The following ZNF423 variants were observed in gnomAD, a reference collection of about 807,000 sequenced individuals.
The protein encoded by ZNF423 is zinc finger protein 423.
In ZNF423, 12 loss-of-function variants were observed where a neutral mutation model predicts 95.8. That is an observed-to-expected ratio of 0.13 (90% CI 0.08 to 0.20). The LOEUF is 0.20. Among genes scored for constraint, ZNF423 ranks in the 10% least tolerant of loss-of-function variants. The pLI, the probability that ZNF423 is intolerant of heterozygous loss-of-function variation, is 1.00. For missense variants in ZNF423, 1,316 were observed against 1,737.1 expected (o/e 0.76, Z 4.31); for synonymous variants, 749 against 711.9 (o/e 1.05, Z -0.83).
chr16:49,704,155 A>T (rs1171892213), intron 3 of ZNF423, among the ~76,000 whole-genome samples: 1 of 152,000 alleles, frequency 6.6e-6, no homozygotes. Flanking sequence ...CCTCTGGAAC[A>T]CCCTGGCTGT....
At chr16:49,836,411 C>T (rs1043982222) in intron 1 of ZNF423, among the ~76,000 whole-genome samples, 3 of 151,978 alleles carry the variant, frequency 2.0e-5, no homozygotes, top group Admixed American at 6.5e-5. Flanking sequence ...AGCTGGGTCT[C>T]GGGGGATCAA....
chr16:49,856,901 G>T (rs2035377042), upstream of ZNF423, among the ~76,000 whole-genome samples: 1 of 129,276 alleles, frequency 7.7e-6, no homozygotes, highest in Non-Finnish European at 1.6e-5. Context: ...CGCGGTGGCG[G>T]AAGAGGAGGA....
intron 3 of ZNF423, among the ~76,000 whole-genome samples, chr16:49,724,911 C>T (rs972830484): frequency 1.3e-5 from 2 of 152,142 alleles, no homozygotes; most frequent in Admixed American, 6.5e-5. Context: ...CAACAAAGTC[C>T]CCCCTCTTGT....
rs144437004 is a variant in ZNF423, at chr16:49,825,846, C to A, written c.40+29889G>T. On this transcript the variant is annotated intron_variant, in intron 1 of 7. Transcript: ENST00000563137. ...TCCATCCAGCCCCCTAAGACACAGG[C>A]GGTTCCAGGCCCTTTCCGAGGGACC... 2.3e-3 allele frequency among the ~76,000 whole-genome samples: 353 copies of A among 152,278 alleles called. 2 individuals carry two copies. The highest frequency in any genetic ancestry group is 6.9e-3 in the African/African-American group (285 of 41,558).
chr16:49,730,841 G>A lies in ZNF423; in HGVS notation c.231C>T (p.Cys77=), dbSNP rs767825226. The change falls in exon 3 of 8, where the codon TGC becomes TGT. Residue 77 remains cysteine (C), a synonymous_variant. Transcript: ENST00000563137. ...EDMEDESIYT[C]DHCQQDFESL... Reference sequence around the variant, plus strand: ...ACTCGAAGTCCTGCTGACAGTGATCGCAGGTGTAAATTGATTCATCCTCCA... The same window carrying A: ...ACTCGAAGTCCTGCTGACAGTGATCACAGGTGTAAATTGATTCATCCTCCA... 59 of 1,614,008 alleles carry A rather than the reference G, an allele frequency of 3.7e-5. No individual in the cohort carries two copies. The Middle Eastern group carries it at 9.9e-4, about 27-fold the overall frequency.
chr16:49,512,280 C>T (rs1597026139), intron 7 of ZNF423, among the ~76,000 whole-genome samples: 1 of 152,306 alleles, frequency 6.6e-6, no homozygotes, highest in East Asian at 1.9e-4. Flanking sequence ...AACGCATTAA[C>T]AGAAAGCCCA....
At chr16:49,713,229 C>A (rs1187453699) in intron 3 of ZNF423, among the ~76,000 whole-genome samples, 2 of 152,186 alleles carry the variant, frequency 1.3e-5, no homozygotes, top group Non-Finnish European at 2.9e-5. Context: ...AGGGCACCAC[C>A]CACTCCCCCA....
intron 3 of ZNF423, among the ~76,000 whole-genome samples, chr16:49,675,563 AC>A (rs2031009594): frequency 1.3e-5 from 2 of 149,328 alleles, no homozygotes; most frequent in South Asian, 2.2e-4. Context: ...GCACCACCCC[AC>A]CCCCCTCCAG....
chr16:49,521,299 G>A (rs372462515), intron 7 of ZNF423, among the ~76,000 whole-genome samples: 2 of 152,208 alleles, frequency 1.3e-5, no homozygotes, highest in Admixed American at 6.5e-5. Context: ...TAAATAAATC[G>A]TAGTTTATAT....
chr16:49,668,947 A>T (rs944248471), intron 3 of ZNF423, among the ~76,000 whole-genome samples: 1 of 152,152 alleles, frequency 6.6e-6, no homozygotes, highest in Non-Finnish European at 1.5e-5. Context: ...GACTGAAGGG[A>T]CGTTTCTAGC....
At chr16:49,554,137 G>A (rs1223610559) in intron 5 of ZNF423, among the ~76,000 whole-genome samples, 2 of 152,186 alleles carry the variant, frequency 1.3e-5, no homozygotes, top group South Asian at 2.1e-4. Flanking sequence ...GAGCCCCAGA[G>A]TCAAGCTTAT....
chr16:49,681,906 C>T (rs1331126261), intron 3 of ZNF423, among the ~76,000 whole-genome samples: 6 of 152,300 alleles, frequency 3.9e-5, no homozygotes, highest in East Asian at 3.9e-4. Context: ...GCTGGGACTA[C>T]AGGCACGCAC....
chr16:49,689,158 G>A (rs1382012129), intron 3 of ZNF423, among the ~76,000 whole-genome samples: 1 of 152,084 alleles, frequency 6.6e-6, no homozygotes, highest in Non-Finnish European at 1.5e-5. Context: ...TAAAGAATTT[G>A]GGGCTGGACA....
At chr16:49,625,243 C>T (rs1289262585) in intron 5 of ZNF423, among the ~76,000 whole-genome samples, 6 of 152,208 alleles carry the variant, frequency 3.9e-5, no homozygotes, top group African/African-American at 1.4e-4. Context: ...ATCCCAGCTA[C>T]TTGGGAGGCT....
intron 2 of ZNF423, among the ~76,000 whole-genome samples, chr16:49,755,398 G>C (rs1003859494): frequency 6.6e-6 from 1 of 152,062 alleles, no homozygotes; most frequent in African/African-American, 2.4e-5. Flanking sequence ...ACCTTAATTG[G>C]GAACTCTTTA....
chr16:49,761,041 C>G (rs2033822228), intron 2 of ZNF423, among the ~76,000 whole-genome samples: 1 of 116,862 alleles, frequency 8.6e-6, no homozygotes. Flanking sequence ...CACACATGCA[C>G]ACACATACAT....
At chr16:49,695,557 T>G (rs2031937295) in intron 3 of ZNF423, among the ~76,000 whole-genome samples, 1 of 152,216 alleles carries the variant, frequency 6.6e-6, no homozygotes, top group South Asian at 2.1e-4. Context: ...CCTCCCAAAG[T>G]GCTGGGATTA....
intron 3 of ZNF423, among the ~76,000 whole-genome samples, chr16:49,690,671 G>A (rs1023145274): frequency 2.6e-5 from 4 of 152,218 alleles, no homozygotes; most frequent in South Asian, 4.1e-4. Flanking sequence ...GAGGCAGCGA[G>A]GGGGTACCAC....
At chr16:49,631,848 G>A (rs898992195) in intron 4 of ZNF423, among the ~76,000 whole-genome samples, 5 of 152,216 alleles carry the variant, frequency 3.3e-5, no homozygotes, top group African/African-American at 1.2e-4. Context: ...CCCTAGGGAT[G>A]GGGTAAGTGG....
Sources: allele counts gnomAD v4.1 joint callset (sites outside exome capture counted in the v4.1 genomes callset), GRCh38; gene constraint gnomAD v4.1.1; transcripts MANE v1.5; gene names NCBI Gene and HGNC (gene_info 2026-07-23, HGNC 2026-07-21).